The following KAZN variants were observed in gnomAD, a reference collection of about 807,000 sequenced individuals.
KAZN encodes the protein kazrin.
KAZN carries 40 observed loss-of-function variants against 87.4 expected under a neutral mutation model. That is an observed-to-expected ratio of 0.46 (90% CI 0.36 to 0.60). The LOEUF (loss-of-function observed/expected upper bound fraction) is 0.60. Among genes scored for constraint, KAZN ranks in the 20% least tolerant of loss-of-function variants. The probability of loss-of-function intolerance (pLI) is 0.00; values close to 1 mark genes in which losing one functional copy is unlikely to be tolerated. For synonymous variants in KAZN, 466 were observed against 458.3 expected, an observed-to-expected ratio of 1.02 and a Z score of -0.22; for missense variants, 898 against 1,073.9, an observed-to-expected ratio of 0.84 and a Z score of 2.29.
At chr1:14,699,176 G>T (rs903275962) in intron 1 of KAZN, among the ~76,000 whole-genome samples, 1 of 151,124 alleles carries the variant, frequency 6.6e-6, no homozygotes. Flanking sequence ...AGGACAATGA[G>T]GAGACAACAA....
intron 2 of KAZN, among the ~76,000 whole-genome samples, chr1:14,198,464 G>C (rs1476489196): frequency 6.6e-6 from 1 of 152,142 alleles, no homozygotes; most frequent in Admixed American, 6.5e-5. Context: ...GCTGGGCATG[G>C]TGGCGCATGC....
At chr1:14,506,706 T>G (rs1419941389) in intron 2 of KAZN, among the ~76,000 whole-genome samples, 1 of 152,228 alleles carries the variant, frequency 6.6e-6, no homozygotes, top group Non-Finnish European at 1.5e-5. Flanking sequence ...GCTCTCATTG[T>G]TATCACTTAC....
intron 8 of KAZN, among the ~76,000 whole-genome samples, chr1:15,072,181 A>G (rs1639534801): frequency 6.6e-6 from 1 of 152,234 alleles, no homozygotes; most frequent in Admixed American, 6.5e-5. Flanking sequence ...GTAGGTTCAG[A>G]AATGAGAACT....
intron 1 of KAZN, among the ~76,000 whole-genome samples, chr1:13,896,365 C>A (rs1461965001): frequency 2.0e-5 from 3 of 152,194 alleles, no homozygotes; most frequent in African/African-American, 7.2e-5. Context: ...TCATAGCTCA[C>A]TGCAGCCTTG....
At chr1:14,298,187 T>C (rs1161361098) in intron 2 of KAZN, among the ~76,000 whole-genome samples, 2 of 152,198 alleles carry the variant, frequency 1.3e-5, no homozygotes, top group Non-Finnish European at 2.9e-5. Flanking sequence ...TTCATGCTAC[T>C]GCACTCCAGA....
chr1:14,976,026 C>T (rs12727129), intron 2 of KAZN, among the ~76,000 whole-genome samples: 24,935 of 130,976 alleles, frequency 0.19, 2,569 homozygotes, highest in African/African-American at 0.25. Flanking sequence ...AGCGAGACTC[C>T]GTCTCAAAAA....
At chr1:14,919,321 C>T (rs975024528) in intron 1 of KAZN, among the ~76,000 whole-genome samples, 26 of 152,338 alleles carry the variant, frequency 1.7e-4, no homozygotes, top group Non-Finnish European at 2.5e-4. Flanking sequence ...GGATGACAGG[C>T]GCGTTCCACC....
chr1:14,417,095 G>C (rs775577271), intron 2 of KAZN, among the ~76,000 whole-genome samples: 3 of 151,650 alleles, frequency 2.0e-5, no homozygotes, highest in Non-Finnish European at 4.4e-5. Flanking sequence ...AGGAGGCTGA[G>C]GTGGGAGAAT....
chr1:14,066,888 G>T, intron 1 of KAZN, among the ~76,000 whole-genome samples: 1 of 152,286 alleles, frequency 6.6e-6, no homozygotes, highest in East Asian at 1.9e-4. Flanking sequence ...CTCTGTCCTT[G>T]TGTGTTCCTG....
At chr1:14,022,133 A>C (rs1365747611) in intron 1 of KAZN, among the ~76,000 whole-genome samples, 1 of 151,956 alleles carries the variant, frequency 6.6e-6, no homozygotes, top group Non-Finnish European at 1.5e-5. Context: ...AGGACTGAAT[A>C]ATGACTAGGA....
At chr1:14,687,561 G>A (rs1001373007) in intron 1 of KAZN, among the ~76,000 whole-genome samples, 44 of 152,194 alleles carry the variant, frequency 2.9e-4, no homozygotes, top group Non-Finnish European at 5.7e-4. Context: ...AGAGTCCAGA[G>A]GTGCATTAGA....
intron 1 of KAZN, among the ~76,000 whole-genome samples, chr1:14,922,828 G>T (rs1658679884): frequency 6.6e-6 from 1 of 150,924 alleles, no homozygotes. Flanking sequence ...CAGCTAGACA[G>T]GGCAGGGGTT....
chr1:14,752,739 G>T (rs1438555488), intron 1 of KAZN, among the ~76,000 whole-genome samples: 1 of 152,144 alleles, frequency 6.6e-6, no homozygotes, highest in Non-Finnish European at 1.5e-5. Flanking sequence ...ATAGGAATTT[G>T]GTGGGGAGGG....
At chr1:14,962,677 G>A (rs1408737505) in intron 2 of KAZN, among the ~76,000 whole-genome samples, 5 of 152,158 alleles carry the variant, frequency 3.3e-5, no homozygotes, top group Non-Finnish European at 7.4e-5. Context: ...GACTGGCTCA[G>A]GAAGCAGCCA....
chr1:14,723,643 T>C (rs1355614586), intron 1 of KAZN, among the ~76,000 whole-genome samples: 2 of 152,240 alleles, frequency 1.3e-5, no homozygotes, highest in African/African-American at 2.4e-5. Flanking sequence ...ATTTGCTCCC[T>C]CTCTCTCCTG....
chr1:14,960,922 C>G, intron 2 of KAZN, 47 bp downstream of exon 2: 2 of 1,561,394 alleles, frequency 1.3e-6, no homozygotes, highest in Non-Finnish European at 1.7e-6. Context: ...GCTCAGGCCC[C>G]AGGGATCTGG....
chr1:15,013,470 C>T (rs553827220), intron 2 of KAZN, among the ~76,000 whole-genome samples: 106 of 152,118 alleles, frequency 7.0e-4, no homozygotes, highest in Non-Finnish European at 1.2e-3. Flanking sequence ...ATGGTGGAAC[C>T]GGGCCAGGCA....
intron 2 of KAZN, among the ~76,000 whole-genome samples, chr1:15,031,882 A>G (rs1418453886): frequency 2.6e-5 from 4 of 152,162 alleles, no homozygotes; most frequent in Non-Finnish European, 5.9e-5. Context: ...TGCTAGGATT[A>G]CAAGCATGAG....
rs1336817399 is a variant in KAZN, at chr1:15,096,636, C to T, written c.1547+1703C>T. Among the ~76,000 whole-genome samples, 3 of 152,308 alleles carry T rather than the reference C, an allele frequency of 2.0e-5. No individual in the cohort carries two copies. Among genetic ancestry groups the T allele is most frequent in the East Asian group, 1.9e-4 (1 of 5,176 alleles). ...GTTCTGGAGGCTGGAAGTCCAAGAT[C>T]GGGATGCCAGCATGGTTGGGACCTG... is the stretch of plus-strand genomic sequence containing the variant. On this transcript the variant is annotated intron_variant, in intron 10 of 14. Coordinates refer to ENST00000376030, the MANE Select transcript of KAZN (RefSeq NM_201628.3). The surrounding 1 kb of genome is among the most constrained non-coding windows in gnomAD (Gnocchi z 4.5).
Sources: allele counts gnomAD v4.1 joint callset (sites outside exome capture counted in the v4.1 genomes callset), GRCh38; gene constraint gnomAD v4.1.1; non-coding constraint Gnocchi (gnomAD v3.1); transcripts MANE v1.5; gene names NCBI Gene and HGNC (gene_info 2026-07-23, HGNC 2026-07-21).